IL16: variants seen among roughly 807,000 people sequenced by gnomAD.
IL16 encodes pro-interleukin-16.
In IL16, 67 loss-of-function variants were observed where a neutral mutation model predicts 110.1. That is an observed-to-expected ratio of 0.61 (90% CI 0.50 to 0.75). The LOEUF (loss-of-function observed/expected upper bound fraction) is 0.75, where lower values mean the gene tolerates loss of function less well. Among genes scored for constraint, IL16 ranks in the 30% least tolerant of loss-of-function variants. IL16 has a pLI of 0.00. For missense variants in IL16, 1,545 were observed against 1,655.0 expected, an observed-to-expected ratio of 0.93 and a Z score of 1.15; for synonymous variants, 689 against 662.9, an observed-to-expected ratio of 1.04 and a Z score of -0.61.
Position 81,278,833 on chromosome 15 carries a change from G to T in IL16, c.807G>T (p.Glu269Asp). Residue 269 changes from glutamate (E) to aspartate (D), a missense_variant, in exon 7 of 19, where the codon GAG becomes GAT. This residue lies in a region of IL16 where 1,185 missense variants were observed against 1,238.8 expected (regional missense o/e 0.96). Transcript: ENST00000683961. ...GRLQEGDEILELNGESMAGLT... is the reference protein window; with the variant it reads ...GRLQEGDEILDLNGESMAGLT... The stretch of plus-strand genomic sequence containing the variant: ...TCTAAACAGGTGATGAAATTCTGGA[G>T]CTCAATGGTGAATCAATGGCTGGAC... The T allele has an allele frequency of 6.2e-7, 1 of 1,611,726 alleles. No individual in the cohort carries two copies. Among genetic ancestry groups the T allele is most frequent in the Non-Finnish European group, 8.5e-7 (1 of 1,177,814 alleles).
At position 81,309,843 on chromosome 15, in the gene IL16, G is replaced by C. The variant is rs1300679012; in HGVS notation, c.*1045G>C. 1 of 152,262 alleles carries C rather than the reference G, an allele frequency of 6.6e-6. No individual in the cohort carries two copies. The highest frequency in any genetic ancestry group is 6.5e-5 in the Admixed American group (1 of 15,284). The allele number at this position is 152,262 out of a possible 1,614,324, so 9.4% of individuals were successfully genotyped here. A position where few individuals can be genotyped will look rare whatever the true frequency, so the allele number is the denominator to read the frequency against. ...TAGTGATCACAGCAGCTTCTACGGT[G>C]TATGGTTCTGTGCCAATGTATTGAT... On this transcript the variant is annotated 3_prime_UTR_variant, in exon 19 of 19. Coordinates refer to ENST00000683961, the MANE Select transcript of IL16 (RefSeq NM_172217.5).
intron 2 of IL16, among the ~76,000 whole-genome samples, chr15:81,244,442 G>GA (rs749249267): frequency 1.3e-4 from 19 of 151,746 alleles, no homozygotes; most frequent in Non-Finnish European, 1.6e-4. Context: ...TTTCATTTCA[G>GA]AAAAAAATAT....
At chr15:81,304,714 C>T (rs1490285239) in intron 16 of IL16, among the ~76,000 whole-genome samples, 1 of 152,126 alleles carries the variant, frequency 6.6e-6, no homozygotes, top group Non-Finnish European at 1.5e-5. Flanking sequence ...CTTCGTTGGC[C>T]TAAAAATCCT....
Position 81,197,008 on chromosome 15 carries a change from C to T in IL16, c.-246C>T. ...GTCTGAGAACTGAGCGTCCATTTCT[C>T]AATCCTTGCCGGCTCTGACCCAGGC... is the stretch of plus-strand genomic sequence containing the variant. On this transcript the variant is annotated 5_prime_UTR_variant, in exon 1 of 19. Coordinates refer to ENST00000683961, the MANE Select transcript of IL16 (RefSeq NM_172217.5). The T allele has an allele frequency of 7.8e-7, 1 of 1,286,044 alleles. No individual in the cohort carries two copies. Among genetic ancestry groups the T allele is most frequent in the Non-Finnish European group, 1.0e-6 (1 of 987,842 alleles). The allele number at this position is 1,286,044 out of a possible 1,614,324, so 79.7% of individuals were successfully genotyped here.
In IL16 at chr15:81,226,922, G is replaced by T. The variant is rs529733878; in HGVS notation, c.312+1211G>T. 3.3e-5 allele frequency among the ~76,000 whole-genome samples: 5 copies of T among 152,290 alleles called. No individual in the cohort carries two copies. The South Asian group carries it at 1.0e-3, about 32-fold the overall frequency. ...CGCTCACCTAAATGAAATTCAAAAA[G>T]TATTTCAAGACCTCAGCAGAATCCT... On this transcript the variant is annotated intron_variant, in intron 2 of 18. Transcript: ENST00000683961.
rs573966589 is a variant in IL16 at position 81,269,171 on chromosome 15, GTCTCAGGGCGT to G, written c.565-363_565-353del. On this transcript the variant is annotated intron_variant, in intron 4 of 18. Coordinates refer to ENST00000683961, the MANE Select transcript of IL16 (RefSeq NM_172217.5). ...GTAAATGTGTCTTGGATTGAACATAGTCTCAGGGCGTTCTTGGTAGCTGGCTTCCCAAATTC... is the reference window on the plus strand; with the variant it reads ...GTAAATGTGTCTTGGATTGAACATAGTCTTGGTAGCTGGCTTCCCAAATTC... Among the ~76,000 whole-genome samples, 318 of 152,368 alleles carry G rather than the reference GTCTCAGGGCGT, an allele frequency of 2.1e-3. 2 individuals carry two copies. The highest frequency in any genetic ancestry group is 6.2e-4 in the Non-Finnish European group (42 of 68,038).
intron 1 of IL16, among the ~76,000 whole-genome samples, chr15:81,199,015 A>T: frequency 9.9e-6 from 1 of 101,222 alleles, no homozygotes; most frequent in African/African-American, 5.3e-5. Context: ...GGGAGACTCC[A>T]TCTCAAAAAA....
At chr15:81,279,443 G>A (rs749055424) in intron 7 of IL16, 115 bp from the exon 8 acceptor site, 45 of 663,458 alleles carry the variant, frequency 6.8e-5, no homozygotes, top group Middle Eastern at 4.1e-4. Flanking sequence ...GAATATATGC[G>A]CACATTTATA....
intron 2 of IL16, among the ~76,000 whole-genome samples, chr15:81,229,977 T>A (rs1384605722): frequency 1.3e-5 from 2 of 152,124 alleles, no homozygotes; most frequent in Non-Finnish European, 2.9e-5. Flanking sequence ...CTTTTTTTTT[T>A]AAAGCCTTAT....
At chr15:81,228,800 G>T (rs1325757317) in intron 2 of IL16, among the ~76,000 whole-genome samples, 1 of 152,128 alleles carries the variant, frequency 6.6e-6, no homozygotes, top group African/African-American at 2.4e-5. Context: ...TTAGGTGTGT[G>T]GGCTCATTAA....
chr15:81,290,013 C>A (rs1444321373), intron 10 of IL16: 2 of 385,444 alleles, frequency 5.2e-6, no homozygotes, highest in Non-Finnish European at 1.0e-5. Flanking sequence ...AGGACTCATA[C>A]TCTTAACTAT....
intron 18 of IL16, among the ~76,000 whole-genome samples, chr15:81,308,053 T>A (rs1900662181): frequency 6.6e-6 from 1 of 152,212 alleles, no homozygotes; most frequent in Non-Finnish European, 1.5e-5. Flanking sequence ...AAAATAGCAT[T>A]GTTTTCACTT....
chr15:81,224,730 A>G (rs188510156), intron 1 of IL16, among the ~76,000 whole-genome samples: 4 of 152,268 alleles, frequency 2.6e-5, no homozygotes, highest in Admixed American at 6.5e-5. Flanking sequence ...TCATCTGTCA[A>G]TGGAGGACAT....
rs1900952240 is a variant in IL16, at chr15:81,313,143, T to C, written c.*4345T>C. The C allele has an allele frequency of 2.4e-6, 3 of 1,272,896 alleles. No individual in the cohort carries two copies. Among genetic ancestry groups the C allele is most frequent in the Non-Finnish European group, 3.1e-6 (3 of 955,530 alleles). 78.9% of individuals were successfully genotyped at this position (1,272,896 alleles called of 1,614,324 possible). A position where few individuals can be genotyped will look rare whatever the true frequency, so the allele number is the denominator to read the frequency against. Reference sequence around the variant, plus strand: ...TCTCAGAGATGCGCAGTCCATCAGCTTGTTCCAAAGAGTGAACACAGGCCT... The same window carrying C: ...TCTCAGAGATGCGCAGTCCATCAGCCTGTTCCAAAGAGTGAACACAGGCCT... On this transcript the variant is annotated 3_prime_UTR_variant, in exon 19 of 19. Transcript: ENST00000683961.
chr15:81,186,834 T>A (rs1895426433), intron 1 of IL16, among the ~76,000 whole-genome samples: 1 of 152,158 alleles, frequency 6.6e-6, no homozygotes, highest in Non-Finnish European at 1.5e-5. Flanking sequence ...TTTTCTTTTT[T>A]AAATATAGAG....
In IL16 at chr15:81,292,804, A is replaced by G. The variant is rs1388605034; in HGVS notation, c.1669A>G (p.Ile557Val). Residue 557 changes from isoleucine to valine, a missense_variant, in exon 12 of 19, where the codon ATA (isoleucine) becomes GTA (valine). By Grantham distance (29) the Ile-to-Val change is conservative. This residue lies in a region of IL16 where 1,185 missense variants were observed against 1,238.8 expected (regional missense o/e 0.96). Coordinates refer to ENST00000683961, the MANE Select transcript of IL16 (RefSeq NM_172217.5). ...PLAREPVVLS[I>V]ASSRLPQESP... ...GGCACGGGAGCCAGTGGTGCTTTCT[A>G]TAGCATCCTCCAGGCTGCCCCAGGA... 16 of 1,614,096 alleles carry G rather than the reference A, an allele frequency of 9.9e-6. No individual in the cohort carries two copies. The highest frequency in any genetic ancestry group is 1.4e-5 in the Non-Finnish European group (16 of 1,180,008).
intron 1 of IL16, among the ~76,000 whole-genome samples, chr15:81,221,581 C>T (rs551902315): frequency 3.0e-4 from 45 of 152,256 alleles, no homozygotes; most frequent in African/African-American, 1.1e-3. Context: ...ATTCTCTCTC[C>T]CTTCCTCCCT....
At chr15:81,239,750 G>A (rs1290923034) in intron 2 of IL16, among the ~76,000 whole-genome samples, 1 of 151,820 alleles carries the variant, frequency 6.6e-6, no homozygotes, top group African/African-American at 2.4e-5. Flanking sequence ...GTTTTAGCCA[G>A]GCTGGCGAGA....
intron 2 of IL16, among the ~76,000 whole-genome samples, chr15:81,242,326 G>A (rs2142104301): frequency 6.6e-6 from 1 of 152,260 alleles, no homozygotes; most frequent in Non-Finnish European, 1.5e-5. Context: ...ATCAGTTTGG[G>A]AAGAATTAAT....
Sources: gnomAD v4.1 joint callset for allele counts (sites outside exome capture counted in the v4.1 genomes callset) on GRCh38, gnomAD v4.1.1 for gene constraint, gnomAD v4.1.1 regional missense constraint, MANE v1.5 for transcripts, NCBI Gene and HGNC (gene_info 2026-07-23, HGNC 2026-07-21) for gene names.